The following L3MBTL4 variants were observed in gnomAD, a reference collection of about 807,000 sequenced individuals.
The protein encoded by L3MBTL4 is lethal(3)malignant brain tumor-like protein 4.
In L3MBTL4, 70 loss-of-function variants were observed where a neutral mutation model predicts 84.5. That is an observed-to-expected ratio of 0.83 (90% CI 0.68 to 1.01). L3MBTL4 has a LOEUF of 1.01. Among genes scored for constraint, L3MBTL4 ranks in the 50% least tolerant of loss-of-function variants. The probability of loss-of-function intolerance (pLI) is 0.00; values close to 1 mark genes in which losing one functional copy is unlikely to be tolerated. For missense variants in L3MBTL4, 715 were observed against 754.8 expected, an observed-to-expected ratio of 0.95 and a Z score of 0.62; for synonymous variants, 274 against 259.8, an observed-to-expected ratio of 1.05 and a Z score of -0.52.
intron 12 of L3MBTL4, among the ~76,000 whole-genome samples, chr18:6,196,760 G>C (rs1406802617): frequency 1.3e-5 from 2 of 152,154 alleles, no homozygotes; most frequent in Admixed American, 6.5e-5. Flanking sequence ...TAAGCCTAAG[G>C]GTGTTCCAAT....
intron 16 of L3MBTL4, among the ~76,000 whole-genome samples, chr18:6,032,440 C>T (rs1462133535): frequency 1.3e-5 from 2 of 149,780 alleles, no homozygotes; most frequent in Non-Finnish European, 3.0e-5. Flanking sequence ...TAATACAGGT[C>T]GAGGGGGGCA....
In L3MBTL4 at chr18:6,206,791, G is replaced by T. The variant is rs560758803; in HGVS notation, c.981+6358C>A. Among the ~76,000 whole-genome samples, 3 of 152,268 alleles carry T rather than the reference G, an allele frequency of 2.0e-5. No homozygotes were observed. In the South Asian group the frequency reaches 6.2e-4, roughly 32 times the overall value. ...TCTAGAAGCTGTTGATTACATGGTAGCCCGCATTTCTTCTACCTTTTTTTA... is the reference window on the plus strand; with the variant it reads ...TCTAGAAGCTGTTGATTACATGGTATCCCGCATTTCTTCTACCTTTTTTTA... On this transcript the variant is annotated intron_variant, in intron 12 of 18. Coordinates refer to ENST00000317931, the MANE Select transcript of L3MBTL4 (RefSeq NM_001330559.2).
At chr18:6,355,686 T>C (rs1298593115) in intron 1 of L3MBTL4, among the ~76,000 whole-genome samples, 1 of 152,154 alleles carries the variant, frequency 6.6e-6, no homozygotes, top group Non-Finnish European at 1.5e-5. Context: ...TTCATCTCAA[T>C]GACTTAAAAT....
chr18:6,355,230 A>T (rs1424334586), intron 1 of L3MBTL4, among the ~76,000 whole-genome samples: 1 of 152,186 alleles, frequency 6.6e-6, no homozygotes, highest in African/African-American at 2.4e-5. Context: ...GAGAGCACAG[A>T]TACTCCTTTC....
At chr18:6,329,133 T>C (rs1568500649) in intron 1 of L3MBTL4, among the ~76,000 whole-genome samples, 1 of 87,698 alleles carries the variant, frequency 1.1e-5, no homozygotes, top group East Asian at 3.0e-4. Context: ...CTGTTTCTTT[T>C]GTTTCTTTTT....
At chr18:6,142,059 T>C (rs936367616) in intron 13 of L3MBTL4, among the ~76,000 whole-genome samples, 5 of 152,240 alleles carry the variant, frequency 3.3e-5, no homozygotes, top group African/African-American at 9.6e-5. Context: ...AACTTCTTAT[T>C]ATCTTTCACA....
chr18:6,408,562 T>C (rs983400964), intron 1 of L3MBTL4, among the ~76,000 whole-genome samples: 6 of 152,184 alleles, frequency 3.9e-5, no homozygotes, highest in Non-Finnish European at 8.8e-5. Flanking sequence ...TTAGAACATA[T>C]AAGATCCACA....
At chr18:6,168,458 T>C (rs1229745641) in intron 13 of L3MBTL4, among the ~76,000 whole-genome samples, 3 of 152,082 alleles carry the variant, frequency 2.0e-5, no homozygotes, top group Non-Finnish European at 4.4e-5. Flanking sequence ...CAAAACAGCA[T>C]GGTACTGGTA....
At chr18:6,004,096 T>C (rs1029917897) in intron 16 of L3MBTL4, among the ~76,000 whole-genome samples, 3 of 152,076 alleles carry the variant, frequency 2.0e-5, no homozygotes, top group Non-Finnish European at 4.4e-5. Flanking sequence ...AGAGTTGATT[T>C]TTCAAAAACA....
chr18:6,405,219 C>T (rs1369066566), intron 1 of L3MBTL4, among the ~76,000 whole-genome samples: 2 of 152,186 alleles, frequency 1.3e-5, no homozygotes, highest in African/African-American at 4.8e-5. Context: ...CCTACGGCAG[C>T]AGTGGCCACG....
intron 16 of L3MBTL4, among the ~76,000 whole-genome samples, chr18:6,042,261 C>T (rs1157255657): frequency 6.6e-6 from 1 of 152,144 alleles, no homozygotes; most frequent in Non-Finnish European, 1.5e-5. Flanking sequence ...AATGACCCTT[C>T]TGTCTTGGGT....
intron 5 of L3MBTL4, among the ~76,000 whole-genome samples, chr18:6,248,636 G>T (rs2047789581): frequency 6.6e-6 from 1 of 152,170 alleles, no homozygotes; most frequent in Non-Finnish European, 1.5e-5. Flanking sequence ...AAGATAAGCA[G>T]TTATATGTAG....
At chr18:6,239,104 G>T (rs888673114) in intron 9 of L3MBTL4, among the ~76,000 whole-genome samples, 1 of 152,058 alleles carries the variant, frequency 6.6e-6, no homozygotes, top group African/African-American at 2.4e-5. Context: ...CACTTTGGGA[G>T]GCCGAGGCGG....
rs142106773 is a variant in L3MBTL4 at position 6,011,098 on chromosome 18, G to C, written c.1445-41536C>G. On this transcript the variant is annotated intron_variant, in intron 16 of 18. Transcript: ENST00000317931. ...TTATAATTATGCAGACTCTGTTGTT[G>C]TTACTGCTGTCAACAGAATAATTTA... is the stretch of plus-strand genomic sequence containing the variant. 2.0e-3 allele frequency among the ~76,000 whole-genome samples: 306 copies of C among 152,306 alleles called. 1 individual carries two copies. Among genetic ancestry groups the C allele is most frequent in the African/African-American group, 6.9e-3 (285 of 41,566 alleles).
chr18:6,259,558 T>C (rs980907210), intron 5 of L3MBTL4: 3 of 152,210 alleles, frequency 2.0e-5, no homozygotes, highest in Admixed American at 1.3e-4. Context: ...TTTTTTATTT[T>C]TTACTTTTTC....
At chr18:6,387,311 T>C (rs1172839517) in intron 1 of L3MBTL4, among the ~76,000 whole-genome samples, 2 of 152,208 alleles carry the variant, frequency 1.3e-5, no homozygotes, top group African/African-American at 2.4e-5. Context: ...TTTCTCAAAC[T>C]AGGATACCCA....
chr18:6,093,760 T>C (rs1335519517), intron 14 of L3MBTL4, among the ~76,000 whole-genome samples: 1 of 152,212 alleles, frequency 6.6e-6, no homozygotes, highest in Non-Finnish European at 1.5e-5. Flanking sequence ...CATCAACACA[T>C]ACGGCATTTA....
intron 16 of L3MBTL4, among the ~76,000 whole-genome samples, chr18:5,990,770 G>GTGTGTGTGTGT (rs1567956295): frequency 4.1e-4 from 58 of 142,366 alleles, no homozygotes; most frequent in South Asian, 2.5e-3. Context: ...GGTTCATGTG[G>GTGTGTGTGTGT]GTGTGTGTGT....
chr18:6,364,845 A>T (rs1262668840), intron 1 of L3MBTL4, among the ~76,000 whole-genome samples: 1 of 152,110 alleles, frequency 6.6e-6, no homozygotes, highest in African/African-American at 2.4e-5. Flanking sequence ...TTTAGGTTAT[A>T]TTTATAAACA....
Sources: allele counts gnomAD v4.1 joint callset (sites outside exome capture counted in the v4.1 genomes callset), GRCh38; gene constraint gnomAD v4.1.1; transcripts MANE v1.5; gene names NCBI Gene and HGNC (gene_info 2026-07-23, HGNC 2026-07-21).